Variants in ADGRB3 observed in about 807,000 individuals in gnomAD.
ADGRB3 encodes the protein brain-specific angiogenesis inhibitor 3.
Under a neutral mutation model 193.4 loss-of-function variants are expected in ADGRB3, and 37 were observed. The ratio of observed to expected loss-of-function variants is 0.19; its 90% CI spans 0.15 to 0.25. The LOEUF (loss-of-function observed/expected upper bound fraction) is 0.25, where lower values mean the gene tolerates loss of function less well. Ranked by LOEUF, ADGRB3 falls within the 10% of genes least tolerant of loss-of-function variation. The probability of loss-of-function intolerance (pLI) is 1.00; values close to 1 mark genes in which losing one functional copy is unlikely to be tolerated. For missense variants in ADGRB3, 1,637 were observed against 1,852.9 expected (o/e 0.88, Z 2.14); for synonymous variants, 690 against 644.2 (o/e 1.07, Z -1.08).
chr6:69,235,293 G>A (rs769396352), intron 19 of ADGRB3, among the ~76,000 whole-genome samples, 158 bp downstream of exon 19: 1 of 152,046 alleles, frequency 6.6e-6, no homozygotes, highest in Non-Finnish European at 1.5e-5. Context: ...TTTAATAAAT[G>A]AATTATGTTT....
At chr6:68,903,759 C>T (rs185667757) in intron 3 of ADGRB3, among the ~76,000 whole-genome samples, 22 of 151,852 alleles carry the variant, frequency 1.4e-4, no homozygotes, top group East Asian at 3.9e-4. Context: ...GAAATCCCAT[C>T]GCTTTGAGTG....
chr6:68,825,658 G>T (rs1046093619), intron 3 of ADGRB3, among the ~76,000 whole-genome samples: 1 of 152,076 alleles, frequency 6.6e-6, no homozygotes, highest in Non-Finnish European at 1.5e-5. Context: ...AATCATGGGG[G>T]TGGTTTCCCC....
At chr6:69,027,577 A>G (rs1770474609) in intron 13 of ADGRB3, among the ~76,000 whole-genome samples, 1 of 152,208 alleles carries the variant, frequency 6.6e-6, no homozygotes, top group African/African-American at 2.4e-5. Context: ...TGACCAAAAC[A>G]TCATGTGGCG....
intron 20 of ADGRB3, among the ~76,000 whole-genome samples, chr6:69,297,337 G>GAT (rs1430664072): frequency 1.3e-4 from 8 of 63,802 alleles, no homozygotes; most frequent in African/African-American, 2.5e-4. Context: ...CACTTCTACT[G>GAT]ATATCTCTCT....
intron 17 of ADGRB3, among the ~76,000 whole-genome samples, chr6:69,148,621 C>A (rs1774574019): frequency 6.6e-6 from 1 of 152,044 alleles, no homozygotes; most frequent in African/African-American, 2.4e-5. Flanking sequence ...TTTATTATTA[C>A]CAGTGAATTT....
intron 3 of ADGRB3, among the ~76,000 whole-genome samples, chr6:68,792,667 C>T (rs1767130083): frequency 6.6e-6 from 1 of 152,188 alleles, no homozygotes. Context: ...AGAGATGTGG[C>T]ATTTTCAATC....
intron 17 of ADGRB3, among the ~76,000 whole-genome samples, chr6:69,114,905 A>G (rs990426231): frequency 2.0e-5 from 3 of 152,244 alleles, no homozygotes; most frequent in Non-Finnish European, 4.4e-5. Flanking sequence ...ATACCATCTC[A>G]CACCAGTTAG....
intron 20 of ADGRB3, among the ~76,000 whole-genome samples, chr6:69,244,170 C>T (rs994178379): frequency 4.6e-5 from 7 of 151,898 alleles, no homozygotes; most frequent in African/African-American, 1.4e-4. Flanking sequence ...GCAAAAGATA[C>T]AAAAATTCTC....
intron 17 of ADGRB3, among the ~76,000 whole-genome samples, chr6:69,079,089 C>A (rs1346776273): frequency 6.6e-6 from 1 of 151,974 alleles, no homozygotes; most frequent in Non-Finnish European, 1.5e-5. Flanking sequence ...ATAGTAAGAT[C>A]CATTATAAAC....
At chr6:68,911,382 C>T (rs543076198) in intron 3 of ADGRB3, among the ~76,000 whole-genome samples, 8 of 151,380 alleles carry the variant, frequency 5.3e-5, no homozygotes, top group Non-Finnish European at 2.9e-5. Flanking sequence ...CAAACCTGCA[C>T]GTTGTGCACA....
chr6:68,740,360 C>T (rs1264129678), intron 3 of ADGRB3, among the ~76,000 whole-genome samples: 1 of 152,090 alleles, frequency 6.6e-6, no homozygotes, highest in African/African-American at 2.4e-5. Context: ...GAGTTGGAGA[C>T]CAGCCTGGGC....
At chr6:69,119,665 T>C (rs1212198485) in intron 17 of ADGRB3, among the ~76,000 whole-genome samples, 1 of 151,778 alleles carries the variant, frequency 6.6e-6, no homozygotes, top group Non-Finnish European at 1.5e-5. Context: ...AATTGGAGAG[T>C]GCCAGGCTTA....
intron 17 of ADGRB3, among the ~76,000 whole-genome samples, chr6:69,197,307 A>G (rs1286224717): frequency 6.6e-6 from 1 of 152,062 alleles, no homozygotes; most frequent in Non-Finnish European, 1.5e-5. Context: ...TATGTATTTT[A>G]TATATGGTAA....
At chr6:69,201,234 T>G (rs1765411375) in intron 17 of ADGRB3, among the ~76,000 whole-genome samples, 1 of 152,060 alleles carries the variant, frequency 6.6e-6, no homozygotes, top group Non-Finnish European at 1.5e-5. Flanking sequence ...TTTGAAACAC[T>G]TTATAGAAAA....
At chr6:69,176,825 C>A (rs1465078445) in intron 17 of ADGRB3, among the ~76,000 whole-genome samples, 2 of 152,130 alleles carry the variant, frequency 1.3e-5, no homozygotes, top group Non-Finnish European at 2.9e-5. Flanking sequence ...TTGATCTGCT[C>A]AGGGTTTCAA....
At chr6:68,636,794 G>T (rs564050393) in intron 1 of ADGRB3, among the ~76,000 whole-genome samples, 39 of 152,086 alleles carry the variant, frequency 2.6e-4, no homozygotes, top group African/African-American at 8.9e-4. Context: ...AATTTCATTA[G>T]GAAAAGACAT....
intron 17 of ADGRB3, among the ~76,000 whole-genome samples, chr6:69,142,432 T>C (rs1465403086): frequency 6.6e-6 from 1 of 152,150 alleles, no homozygotes; most frequent in Non-Finnish European, 1.5e-5. Context: ...TTTAGTTTAG[T>C]TGGTTAAGGC....
At chr6:69,147,691 T>G (rs1747838681) in intron 17 of ADGRB3, among the ~76,000 whole-genome samples, 1 of 152,192 alleles carries the variant, frequency 6.6e-6, no homozygotes, top group African/African-American at 2.4e-5. Context: ...TCTGGTGTTT[T>G]CTTTGTTGAT....
At chr6:69,045,400 A>G (rs1771206471) in intron 13 of ADGRB3, among the ~76,000 whole-genome samples, 1 of 152,164 alleles carries the variant, frequency 6.6e-6, no homozygotes. Context: ...ATAATTTCAC[A>G]GATATAATTT....
Sources: gnomAD v4.1 joint callset for allele counts (sites outside exome capture counted in the v4.1 genomes callset) on GRCh38, gnomAD v4.1.1 for gene constraint, MANE v1.5 for transcripts, NCBI Gene and HGNC (gene_info 2026-07-23, HGNC 2026-07-21) for gene names.